Variants in DENND1B observed in about 807,000 individuals in gnomAD.
DENND1B encodes DENN domain containing 1B, also known as DENN domain-containing protein 1B.
Under a neutral mutation model 90.1 loss-of-function variants are expected in DENND1B, and 59 were observed. That is an observed-to-expected ratio of 0.65 (90% CI 0.53 to 0.81). The LOEUF (loss-of-function observed/expected upper bound fraction) is 0.81. Among genes scored for constraint, DENND1B ranks in the 40% least tolerant of loss-of-function variants. The pLI is 0.00. For missense variants in DENND1B, 862 were observed against 912.6 expected, an observed-to-expected ratio of 0.94 and a Z score of 0.71; for synonymous variants, 337 against 324.6, an observed-to-expected ratio of 1.04 and a Z score of -0.41.
In DENND1B at chr1:197,507,969, C is replaced by T. The variant is rs974371584; in HGVS notation, c.*2491G>A. The T allele has an allele frequency of 2.6e-5, 4 of 151,414 alleles. No homozygotes were observed. The highest frequency in any genetic ancestry group is 5.9e-5 in the Non-Finnish European group (4 of 67,688). 9.4% of individuals were successfully genotyped at this position (151,414 alleles called of 1,614,324 possible). On this transcript the variant is annotated 3_prime_UTR_variant, in exon 23 of 23. Coordinates refer to ENST00000620048, the MANE Select transcript of DENND1B (RefSeq NM_001195215.2). ...CTGCTAATTTTGCATTAAAATAAGG[C>T]ACAAATCACTTTTAAATACCTTGAG... is the stretch of plus-strand genomic sequence containing the variant.
chr1:197,544,856 G>A (rs72742662), intron 18 of DENND1B, among the ~76,000 whole-genome samples: 6,172 of 118,872 alleles, frequency 0.052, 387 homozygotes, highest in Non-Finnish European at 0.072. Context: ...AGAGGAAGAA[G>A]AGGAAGGAGG....
chr1:197,610,909 GC>G (rs1455379622), intron 12 of DENND1B, among the ~76,000 whole-genome samples: 3 of 150,522 alleles, frequency 2.0e-5, no homozygotes, highest in Non-Finnish European at 4.5e-5. Context: ...AAAAAATGTT[GC>G]CCTAGCATTT....
rs542999903 is a variant in DENND1B at position 197,513,433 on chromosome 1, A to G, written c.1516-480T>C. On this transcript the variant is annotated intron_variant, in intron 20 of 22. Coordinates refer to ENST00000620048, the MANE Select transcript of DENND1B (RefSeq NM_001195215.2). ...ATCGCTTAGGGACTTATAAAAATGT[A>G]AAAGTGTAGATTCTGGTTCTATAGT... Among the ~76,000 whole-genome samples, 63 of 151,722 alleles carry G rather than the reference A, an allele frequency of 4.2e-4. No homozygotes were observed. The South Asian group carries it at 7.3e-3, about 17-fold the overall frequency.
At chr1:197,775,084 G>T (rs1657132321) in intron 1 of DENND1B, 55 bp downstream of exon 1, 28 of 1,186,024 alleles carry the variant, frequency 2.4e-5, no homozygotes, top group Non-Finnish European at 3.0e-5. Flanking sequence ...GAGCTGGCCT[G>T]GGAGGGGCCG....
At chr1:197,596,961 G>A (rs955599221) in intron 13 of DENND1B, among the ~76,000 whole-genome samples, 2 of 151,736 alleles carry the variant, frequency 1.3e-5, no homozygotes, top group African/African-American at 4.8e-5. Context: ...CCACAGTTTC[G>A]AAAAAATTAT....
At chr1:197,750,149 G>T (rs1016888296) in intron 2 of DENND1B, among the ~76,000 whole-genome samples, 4 of 152,146 alleles carry the variant, frequency 2.6e-5, no homozygotes, top group African/African-American at 7.2e-5. Flanking sequence ...GCCTGGCCAG[G>T]ATTTTCTTTC....
chr1:197,517,680 G>T (rs1381546738), intron 20 of DENND1B, among the ~76,000 whole-genome samples: 1 of 151,852 alleles, frequency 6.6e-6, no homozygotes, highest in Non-Finnish European at 1.5e-5. Flanking sequence ...CCTATTTAAA[G>T]AAATCCTTCA....
intron 18 of DENND1B, among the ~76,000 whole-genome samples, 167 bp from the exon 19 acceptor site, chr1:197,541,182 T>C (rs981582715): frequency 2.0e-5 from 3 of 152,232 alleles, no homozygotes; most frequent in African/African-American, 7.2e-5. Flanking sequence ...TATCACTTAC[T>C]ATTTTATTAC....
At chr1:197,752,742 G>A (rs756169899) in intron 2 of DENND1B, among the ~76,000 whole-genome samples, 4 of 151,600 alleles carry the variant, frequency 2.6e-5, no homozygotes, top group Non-Finnish European at 4.4e-5. Flanking sequence ...TGCTGCACCC[G>A]TTAACTCATC....
At chr1:197,770,297 A>G (rs561515837) in intron 2 of DENND1B, among the ~76,000 whole-genome samples, 1 of 152,286 alleles carries the variant, frequency 6.6e-6, no homozygotes, top group Non-Finnish European at 1.5e-5. Flanking sequence ...ATACAAATGA[A>G]GATGTTTCTA....
intron 5 of DENND1B, among the ~76,000 whole-genome samples, chr1:197,661,901 A>T (rs1455692965): frequency 2.0e-5 from 3 of 152,072 alleles, no homozygotes; most frequent in Non-Finnish European, 4.4e-5. Flanking sequence ...AATATAATTT[A>T]TCTGTAAGAC....
At chr1:197,700,604 G>A (rs908737588) in intron 3 of DENND1B, among the ~76,000 whole-genome samples, 1 of 152,036 alleles carries the variant, frequency 6.6e-6, no homozygotes, top group African/African-American at 2.4e-5. Flanking sequence ...ATTGATAAAT[G>A]AGATGTAATT....
intron 20 of DENND1B, among the ~76,000 whole-genome samples, chr1:197,513,262 A>G (rs185275545): frequency 3.6e-4 from 54 of 151,524 alleles, no homozygotes; most frequent in Non-Finnish European, 5.6e-4. Flanking sequence ...TACTTGACTT[A>G]TACTCAATTA....
chr1:197,561,491 T>G (rs1292749610), intron 15 of DENND1B, among the ~76,000 whole-genome samples: 1 of 151,862 alleles, frequency 6.6e-6, no homozygotes, highest in African/African-American at 2.4e-5. Flanking sequence ...TCATTTCTAT[T>G]TATACTTTTT....
At chr1:197,659,542 T>C (rs1654197145) in intron 5 of DENND1B, among the ~76,000 whole-genome samples, 1 of 151,926 alleles carries the variant, frequency 6.6e-6, no homozygotes, top group African/African-American at 2.4e-5. Context: ...TATGTAATTA[T>C]CTCTGTGTCC....
At chr1:197,694,583 A>G (rs1260895055) in intron 3 of DENND1B, among the ~76,000 whole-genome samples, 1 of 151,338 alleles carries the variant, frequency 6.6e-6, no homozygotes, top group Non-Finnish European at 1.5e-5. Flanking sequence ...TCTCCACTCT[A>G]TTTCTCTCAA....
At chr1:197,631,835 G>A (rs146990950) in intron 10 of DENND1B, among the ~76,000 whole-genome samples, 76 of 152,078 alleles carry the variant, frequency 5.0e-4, no homozygotes, top group African/African-American at 1.8e-3. Flanking sequence ...GTATGTATAT[G>A]TGTGTATATG....
chr1:197,528,956 TCCA>T (rs1669352528), intron 20 of DENND1B, among the ~76,000 whole-genome samples: 1 of 151,946 alleles, frequency 6.6e-6, no homozygotes, highest in African/African-American at 2.4e-5. Context: ...AAAATAAACG[TCCA>T]CCAGTTTAAT....
chr1:197,560,085 G>A (rs1309958655), intron 15 of DENND1B, among the ~76,000 whole-genome samples: 1 of 151,888 alleles, frequency 6.6e-6, no homozygotes, highest in Non-Finnish European at 1.5e-5. Context: ...TCAGTGCAAT[G>A]TACTATTAAA....
Sources: gnomAD v4.1 joint callset for allele counts (sites outside exome capture counted in the v4.1 genomes callset) on GRCh38, gnomAD v4.1.1 for gene constraint, MANE v1.5 for transcripts, NCBI Gene and HGNC (gene_info 2026-07-23, HGNC 2026-07-21) for gene names.